Variants in AIG1 observed in about 807,000 individuals in gnomAD.
The protein encoded by AIG1 is androgen-induced gene 1 protein.
A neutral mutation model predicts 31.4 loss-of-function variants in AIG1; 23 were observed. The observed-to-expected ratio is 0.73, with a 90% CI of 0.53 to 1.04. AIG1 has a LOEUF of 1.04. Among genes scored for constraint, AIG1 ranks in the 50% least tolerant of loss-of-function variants. The pLI, the probability that AIG1 is intolerant of heterozygous loss-of-function variation, is 0.00. For synonymous variants in AIG1, 100 were observed against 110.5 expected (o/e 0.90, Z 0.60); for missense variants, 274 against 295.0 (o/e 0.93, Z 0.52).
At chr6:143,187,908 G>A in intron 3 of AIG1, 1 of 1,351,406 alleles carries the variant, frequency 7.4e-7, no homozygotes, top group Non-Finnish European at 9.5e-7. Context: ...GGTGTTGGAT[G>A]AACATGAATT....
In AIG1 at chr6:143,191,124, A is replaced by C. The variant is rs556233372; in HGVS notation, c.399+25941A>C. 2.0e-5 allele frequency among the ~76,000 whole-genome samples: 3 copies of C among 152,260 alleles called. No individual in the cohort carries two copies. In the South Asian group the frequency reaches 6.2e-4, roughly 32 times the overall value. On this transcript the variant is annotated intron_variant, in intron 3 of 5. Transcript: ENST00000357847. Reference sequence around the variant, plus strand: ...GGGAAGCTGTCCTGGTGATATCTAGATGTGAGCTGAATGGAGCTTATGGCA... The same window carrying C: ...GGGAAGCTGTCCTGGTGATATCTAGCTGTGAGCTGAATGGAGCTTATGGCA...
intron 3 of AIG1, among the ~76,000 whole-genome samples, chr6:143,193,244 T>C (rs17445480): frequency 0.15 from 23,064 of 152,220 alleles, 1,881 homozygotes; most frequent in Non-Finnish European, 0.18. Flanking sequence ...TCCTTTCTGT[T>C]AATAAGAGCT....
At chr6:143,087,566 G>A (rs979280375) in intron 1 of AIG1, among the ~76,000 whole-genome samples, 3 of 152,134 alleles carry the variant, frequency 2.0e-5, no homozygotes, top group Non-Finnish European at 2.9e-5. Flanking sequence ...GGTCTGCGAC[G>A]GCGGCAAACA....
chr6:143,323,459 GT>G (rs36089324), intron 4 of AIG1, among the ~76,000 whole-genome samples: 20,313 of 152,084 alleles, frequency 0.13, 1,584 homozygotes, highest in East Asian at 0.36. Context: ...TTAAAATATT[GT>G]CTTGAAAAAT....
intron 3 of AIG1, among the ~76,000 whole-genome samples, chr6:143,213,129 A>G (rs1443121830): frequency 6.6e-6 from 1 of 152,226 alleles, no homozygotes; most frequent in Non-Finnish European, 1.5e-5. Context: ...GTAAAATTAC[A>G]GAGAAAGTGG....
chr6:143,162,155 G>T (rs529799025), intron 2 of AIG1, among the ~76,000 whole-genome samples: 2 of 152,164 alleles, frequency 1.3e-5, no homozygotes, highest in African/African-American at 4.8e-5. Flanking sequence ...TGTAAAAAAT[G>T]TAATACTCTC....
intron 3 of AIG1, among the ~76,000 whole-genome samples, chr6:143,255,917 G>A (rs1423029797): frequency 1.3e-5 from 2 of 152,068 alleles, no homozygotes; most frequent in African/African-American, 4.8e-5. Context: ...CAGAATATCT[G>A]TTTTACAAAT....
chr6:143,114,292 T>TA (rs750215183), intron 1 of AIG1, among the ~76,000 whole-genome samples: 3 of 152,202 alleles, frequency 2.0e-5, no homozygotes, highest in Non-Finnish European at 4.4e-5. Flanking sequence ...GTTTTTCTCC[T>TA]AAAAAACCAG....
chr6:143,146,588 G>A (rs141062813), intron 2 of AIG1, among the ~76,000 whole-genome samples: 15 of 146,596 alleles, frequency 1.0e-4, no homozygotes, highest in African/African-American at 3.3e-4. Context: ...TCATCCCTCC[G>A]CCCTAAACAT....
chr6:143,180,416 C>T (rs922974396), intron 3 of AIG1, among the ~76,000 whole-genome samples: 1 of 152,224 alleles, frequency 6.6e-6, no homozygotes, highest in Admixed American at 6.5e-5. Context: ...AGGAGAAGCA[C>T]TGTCGTTATT....
intron 1 of AIG1, among the ~76,000 whole-genome samples, chr6:143,081,920 G>T (rs895972244): frequency 2.0e-5 from 3 of 151,956 alleles, no homozygotes; most frequent in African/African-American, 7.3e-5. Context: ...GGCTCTTTTG[G>T]CTTCAATATC....
chr6:143,296,065 A>G (rs1344675193), intron 4 of AIG1, among the ~76,000 whole-genome samples: 1 of 152,054 alleles, frequency 6.6e-6, no homozygotes, highest in Non-Finnish European at 1.5e-5. Flanking sequence ...ACATACACAC[A>G]CACCCACACA....
At chr6:143,118,955 C>T (rs1486276918) in intron 1 of AIG1, among the ~76,000 whole-genome samples, 1 of 151,294 alleles carries the variant, frequency 6.6e-6, no homozygotes, top group Non-Finnish European at 1.5e-5. Flanking sequence ...CTCACTGCAA[C>T]CTCGACCTCC....
chr6:143,315,599 C>T (rs1426457239), intron 4 of AIG1, among the ~76,000 whole-genome samples: 1 of 152,096 alleles, frequency 6.6e-6, no homozygotes, highest in Non-Finnish European at 1.5e-5. Flanking sequence ...AATGGCACTG[C>T]AGCAATTGGA....
chr6:143,305,400 G>A (rs528956680), intron 4 of AIG1, among the ~76,000 whole-genome samples: 202 of 152,160 alleles, frequency 1.3e-3, no homozygotes, highest in Middle Eastern at 3.4e-3. Context: ...CTTTGAATGT[G>A]TCCCAGAGAT....
chr6:143,300,418 C>T lies in AIG1; in HGVS notation c.515+16193C>T, dbSNP rs1798743927. 2.6e-5 allele frequency among the ~76,000 whole-genome samples: 4 copies of T among 152,274 alleles called. No individual in the cohort carries two copies. In the South Asian group the frequency reaches 8.3e-4, roughly 32 times the overall value. ...CACTCTTGAATGATGGTTTCTAGAA[C>T]ACAACTGGAAAGAGGCAAGAGTCTA... On this transcript the variant is annotated intron_variant, in intron 4 of 5. Transcript: ENST00000357847.
At chr6:143,190,171 C>T (rs1789657502) in intron 3 of AIG1, 2 of 984,780 alleles carry the variant, frequency 2.0e-6, no homozygotes, top group South Asian at 9.4e-5. Flanking sequence ...GGGACAGAAA[C>T]ATTCAGCCCA....
At chr6:143,096,901 G>C (rs1357548667) in intron 1 of AIG1, among the ~76,000 whole-genome samples, 1 of 152,002 alleles carries the variant, frequency 6.6e-6, no homozygotes, top group Non-Finnish European at 1.5e-5. Flanking sequence ...CATTTTTATT[G>C]AAAGTCAACC....
At chr6:143,119,568 C>A (rs1782067236) in intron 1 of AIG1, among the ~76,000 whole-genome samples, 1 of 151,970 alleles carries the variant, frequency 6.6e-6, no homozygotes, top group Non-Finnish European at 1.5e-5. Context: ...AACTGTAGGG[C>A]CTTCACCTAA....
Sources: gnomAD v4.1 joint callset for allele counts (sites outside exome capture counted in the v4.1 genomes callset) on GRCh38, gnomAD v4.1.1 for gene constraint, MANE v1.5 for transcripts, NCBI Gene and HGNC (gene_info 2026-07-23, HGNC 2026-07-21) for gene names.